The following LRP1B variants were observed in gnomAD, a reference collection of about 807,000 sequenced individuals.
The protein encoded by LRP1B is low-density lipoprotein receptor-related protein 1B.
Under a neutral mutation model 556.6 loss-of-function variants are expected in LRP1B, and 217 were observed. The observed-to-expected ratio is 0.39, with a 90% CI of 0.35 to 0.44. LRP1B has a LOEUF of 0.44. Among genes scored for constraint, LRP1B ranks in the 20% least tolerant of loss-of-function variants. The pLI, the probability that LRP1B is intolerant of heterozygous loss-of-function variation, is 1.00. For missense variants in LRP1B, 5,053 were observed against 5,620.8 expected, an observed-to-expected ratio of 0.90 and a Z score of 3.23; for synonymous variants, 2,047 against 1,865.8, an observed-to-expected ratio of 1.10 and a Z score of -2.50.
intron 37 of LRP1B, among the ~76,000 whole-genome samples, chr2:140,704,020 C>T (rs1686740326): frequency 6.6e-6 from 1 of 152,016 alleles, no homozygotes; most frequent in African/African-American, 2.4e-5. Context: ...GGTATATGCC[C>T]AGTAATGGGA....
intron 32 of LRP1B, among the ~76,000 whole-genome samples, chr2:140,778,346 T>C (rs1689571557): frequency 6.6e-6 from 1 of 152,156 alleles, no homozygotes; most frequent in Admixed American, 6.5e-5. Context: ...ATAAGAAAAC[T>C]GAGATAATTT....
At chr2:140,321,237 T>A (rs749133384) in intron 82 of LRP1B, among the ~76,000 whole-genome samples, 2 of 41,292 alleles carry the variant, frequency 4.8e-5, no homozygotes, top group Non-Finnish European at 1.4e-4. Context: ...CTGTTTTGTG[T>A]TTTTTTTATT....
chr2:140,314,124 G>A (rs1025210909), intron 83 of LRP1B, among the ~76,000 whole-genome samples: 13 of 151,842 alleles, frequency 8.6e-5, no homozygotes, highest in African/African-American at 2.9e-4. Context: ...AACCATGTAG[G>A]GGAATGTGAA....
At chr2:140,909,184 A>G (rs1031852277) in intron 21 of LRP1B, among the ~76,000 whole-genome samples, 6 of 152,136 alleles carry the variant, frequency 3.9e-5, no homozygotes, top group African/African-American at 1.4e-4. Flanking sequence ...TCTTTTCCAG[A>G]TTATGCAATG....
intron 3 of LRP1B, among the ~76,000 whole-genome samples, chr2:141,288,762 G>T (rs754662213): frequency 1.3e-5 from 2 of 152,070 alleles, no homozygotes; most frequent in Non-Finnish European, 2.9e-5. Flanking sequence ...TTCCCTAGAA[G>T]AATTTACTTC....
At chr2:141,697,591 A>T (rs1691774829) in intron 2 of LRP1B, among the ~76,000 whole-genome samples, 1 of 151,982 alleles carries the variant, frequency 6.6e-6, no homozygotes, top group Non-Finnish European at 1.5e-5. Context: ...TCCAGAAAAG[A>T]TGGTAGCGAA....
intron 3 of LRP1B, among the ~76,000 whole-genome samples, chr2:141,454,472 C>A (rs1469116732): frequency 6.6e-6 from 1 of 152,126 alleles, no homozygotes; most frequent in Non-Finnish European, 1.5e-5. Flanking sequence ...TATGGGCCCA[C>A]TTACATGGTC....
intron 3 of LRP1B, among the ~76,000 whole-genome samples, chr2:141,273,797 T>C (rs1489939125): frequency 6.6e-6 from 1 of 152,182 alleles, no homozygotes; most frequent in Non-Finnish European, 1.5e-5. Context: ...ATTCATACAA[T>C]GCGAGAAAAC....
At chr2:141,000,345 G>A (rs1697380620) in intron 15 of LRP1B, among the ~76,000 whole-genome samples, 1 of 152,068 alleles carries the variant, frequency 6.6e-6, no homozygotes, top group African/African-American at 2.4e-5. Flanking sequence ...TGATCAAAAG[G>A]TACGATGTAA....
intron 2 of LRP1B, among the ~76,000 whole-genome samples, chr2:141,631,575 A>C (rs1054857556): frequency 6.7e-6 from 1 of 149,844 alleles, no homozygotes; most frequent in African/African-American, 2.4e-5. Context: ...ATTCACAGCA[A>C]TCAATCAGAA....
chr2:140,391,925 TG>T (rs927862401), intron 66 of LRP1B, among the ~76,000 whole-genome samples: 8 of 152,182 alleles, frequency 5.3e-5, no homozygotes, highest in African/African-American at 1.9e-4. Context: ...AGACTTTGCA[TG>T]TATCCCAAAG....
intron 66 of LRP1B, 111 bp downstream of exon 66, chr2:140,442,393 T>C: frequency 2.2e-6 from 3 of 1,367,772 alleles, no homozygotes; most frequent in Non-Finnish European, 2.9e-6. Flanking sequence ...CAAAACCTTT[T>C]CAGGTAAGAC....
chr2:140,840,828 A>C, intron 30 of LRP1B, 90 bp downstream of exon 30: 3 of 947,888 alleles, frequency 3.2e-6, no homozygotes, highest in Non-Finnish European at 3.1e-6. Flanking sequence ...TTATATATAT[A>C]TCCTCTGAAT....
At chr2:140,331,478 A>G (rs1472183021) in intron 79 of LRP1B, among the ~76,000 whole-genome samples, 3 of 151,872 alleles carry the variant, frequency 2.0e-5, no homozygotes, top group Non-Finnish European at 4.4e-5. Context: ...ATGGCTCAAT[A>G]TTGGCTAAAA....
intron 2 of LRP1B, among the ~76,000 whole-genome samples, chr2:141,699,333 T>C (rs555778933): frequency 6.6e-6 from 1 of 151,934 alleles, no homozygotes; most frequent in South Asian, 2.1e-4. Flanking sequence ...AACTATTTAT[T>C]TAGCATTCTC....
Position 140,478,144 on chromosome 2 carries a change from CTTTT to C in LRP1B, c.9426-2811_9426-2808del, listed in dbSNP as rs35948232. Among the ~76,000 whole-genome samples, 336 of 62,794 alleles carry C rather than the reference CTTTT, an allele frequency of 5.4e-3. 2 individuals carry two copies. The highest frequency in any genetic ancestry group is 0.018 in the African/African-American group (313 of 17,498). The allele number at this position is 62,794 out of a possible 152,430, so 41.2% of individuals were successfully genotyped here. A position where few individuals can be genotyped will look rare whatever the true frequency, so the allele number is the denominator to read the frequency against. ...GATTTTAGGACAAAGTATAACTTAA[CTTTT>C]TTTTTTTTTTTTTTTTTTTGAGAAG... On this transcript the variant is annotated intron_variant, in intron 59 of 90. Coordinates refer to ENST00000389484, the MANE Select transcript of LRP1B (RefSeq NM_018557.3).
intron 21 of LRP1B, among the ~76,000 whole-genome samples, chr2:140,912,380 C>T (rs1172305581): frequency 6.6e-6 from 1 of 151,500 alleles, no homozygotes; most frequent in East Asian, 1.9e-4. Context: ...CTTAAACTCC[C>T]TTCTTTATAT....
chr2:141,888,455 G>T (rs1404955927), intron 1 of LRP1B, among the ~76,000 whole-genome samples: 3 of 152,266 alleles, frequency 2.0e-5, no homozygotes, highest in East Asian at 3.9e-4. Context: ...GCTTTGCTGG[G>T]AGAGACCTGA....
intron 7 of LRP1B, among the ~76,000 whole-genome samples, chr2:141,172,518 A>G (rs142866084): frequency 3.9e-5 from 6 of 152,178 alleles, no homozygotes; most frequent in Middle Eastern, 3.4e-3. Context: ...TCATTTGGGA[A>G]AAAAGAGAAT....
Sources: gnomAD v4.1 joint callset for allele counts (sites outside exome capture counted in the v4.1 genomes callset) on GRCh38, gnomAD v4.1.1 for gene constraint, MANE v1.5 for transcripts, NCBI Gene and HGNC (gene_info 2026-07-23, HGNC 2026-07-21) for gene names.